KPNA7: variants seen among roughly 807,000 people sequenced by gnomAD.
KPNA7 encodes importin subunit alpha-8.
In KPNA7, 54 loss-of-function variants were observed where a neutral mutation model predicts 53.7. The ratio of observed to expected loss-of-function variants is 1.01; its 90% CI spans 0.81 to 1.26. The LOEUF (loss-of-function observed/expected upper bound fraction) is 1.26. KPNA7 is among the 50% of genes most tolerant of loss of function. KPNA7 has a pLI of 0.00. For synonymous variants in KPNA7, 276 were observed against 259.3 expected, an observed-to-expected ratio of 1.06 and a Z score of -0.62; for missense variants, 640 against 644.5, an observed-to-expected ratio of 0.99 and a Z score of 0.07.
At chr7:99,173,874 TAAC>T (rs1798817235) in intron 10 of KPNA7, 80 bp from the exon 11 acceptor site, 1 of 828,944 alleles carries the variant, frequency 1.2e-6, no homozygotes, top group Non-Finnish European at 2.0e-6. Context: ...ATGCACCTTG[TAAC>T]AAAATTGACC....
chr7:99,147,606 C>A, the KPNA7 span, among the ~76,000 whole-genome samples: 1 of 152,164 alleles, frequency 6.6e-6, no homozygotes, highest in Non-Finnish European at 1.5e-5. Flanking sequence ...TCCTGGCCAA[C>A]ATGGTGAAAC....
chr7:99,202,127 C>T (rs184458755), intron 3 of KPNA7, among the ~76,000 whole-genome samples: 442 of 152,230 alleles, frequency 2.9e-3, no homozygotes, highest in African/African-American at 9.1e-3. Flanking sequence ...TGACTGTACA[C>T]ATTTCATTGA....
At chr7:99,166,373 T>G in the KPNA7 span, among the ~76,000 whole-genome samples, 2 of 152,150 alleles carry the variant, frequency 1.3e-5, no homozygotes, top group Non-Finnish European at 2.9e-5. Context: ...TGCAGTGCAG[T>G]GACGTGATCC....
At chr7:99,160,576 C>G in the KPNA7 span, among the ~76,000 whole-genome samples, 2 of 152,212 alleles carry the variant, frequency 1.3e-5, no homozygotes, top group African/African-American at 4.8e-5. Context: ...AGGTTTGAGT[C>G]ACTGCACCCA....
At chr7:99,202,249 GGACA>G (rs1790574300) in intron 3 of KPNA7, among the ~76,000 whole-genome samples, 1 of 152,126 alleles carries the variant, frequency 6.6e-6, no homozygotes, top group Non-Finnish European at 1.5e-5. Context: ...AGTTAAGGTA[GGACA>G]GACAGTGGTG....
At chr7:99,155,390 G>A in the KPNA7 span, among the ~76,000 whole-genome samples, 1 of 152,182 alleles carries the variant, frequency 6.6e-6, no homozygotes, top group East Asian at 1.9e-4. Flanking sequence ...GTGCATTGCT[G>A]ACTTCCCTGT....
chr7:99,202,232 T>G (rs1347975352), intron 3 of KPNA7, among the ~76,000 whole-genome samples: 1 of 151,974 alleles, frequency 6.6e-6, no homozygotes, highest in African/African-American at 2.4e-5. Flanking sequence ...AAAGGGTGCA[T>G]GTGGGTAGTT....
In KPNA7 at chr7:99,184,911, GC is replaced by G. The variant is rs1416448605; in HGVS notation, c.1134+17del. 12 of 1,544,970 alleles carry G rather than the reference GC, an allele frequency of 7.8e-6. No individual in the cohort carries two copies. In the East Asian group the frequency reaches 2.9e-4, roughly 38 times the overall value. On this transcript the variant is annotated intron_variant, in intron 8 of 10. Coordinates refer to ENST00000327442, the MANE Select transcript of KPNA7 (RefSeq NM_001145715.3). ...TGGAAAGTAGTCCTTTGCCATGGTTGCTGTGTGCGCCACTTACGTTTTTTAG... is the reference window on the plus strand; with the variant it reads ...TGGAAAGTAGTCCTTTGCCATGGTTGTGTGTGCGCCACTTACGTTTTTTAG...
intron 1 of KPNA7, among the ~76,000 whole-genome samples, chr7:99,217,832 T>C (rs1248936644): frequency 6.6e-6 from 1 of 151,928 alleles, no homozygotes; most frequent in Non-Finnish European, 1.5e-5. Context: ...AGTTTCATCA[T>C]GTTGGCCAGA....
chr7:99,166,439 T>C, the KPNA7 span, among the ~76,000 whole-genome samples: 4,848 of 152,162 alleles, frequency 0.032, 261 homozygotes, highest in African/African-American at 0.11. Flanking sequence ...ATTAGCCTCC[T>C]GAGTAGCTGG....
chr7:99,213,283 C>T (rs566182841), intron 1 of KPNA7, among the ~76,000 whole-genome samples: 61 of 151,788 alleles, frequency 4.0e-4, no homozygotes, highest in Non-Finnish European at 8.1e-4. Context: ...CACACCACCA[C>T]ACCCCCCAGC....
At chr7:99,161,970 C>T in the KPNA7 span, among the ~76,000 whole-genome samples, 1 of 151,732 alleles carries the variant, frequency 6.6e-6, no homozygotes, top group African/African-American at 2.4e-5. Context: ...TTATCATTAA[C>T]ACAGTCCATG....
chr7:99,202,963 C>G (rs1322877852), intron 3 of KPNA7, 143 bp downstream of exon 3: 10 of 991,194 alleles, frequency 1.0e-5, no homozygotes, highest in Admixed American at 5.2e-5. Flanking sequence ...GGCAGTTTAG[C>G]TCAAACCATA....
intron 10 of KPNA7, 100 bp downstream of exon 10, chr7:99,177,820 A>G: frequency 8.0e-7 from 1 of 1,245,208 alleles, no homozygotes; most frequent in Non-Finnish European, 1.1e-6. Context: ...CTGCCCAGTC[A>G]CCTGCCACAC....
the KPNA7 span, among the ~76,000 whole-genome samples, chr7:99,147,274 A>C: frequency 6.6e-6 from 1 of 152,222 alleles, no homozygotes; most frequent in Admixed American, 6.5e-5. Flanking sequence ...ACAATTCTAC[A>C]TAAGAAGAGA....
chr7:99,167,197 CCACT>C, the KPNA7 span, among the ~76,000 whole-genome samples: 14 of 152,212 alleles, frequency 9.2e-5, no homozygotes, highest in African/African-American at 3.4e-4. Flanking sequence ...TGCCCTGGCC[CCACT>C]GTCTCCTCTG....
intron 8 of KPNA7, among the ~76,000 whole-genome samples, chr7:99,183,958 T>C (rs756906758): frequency 7.2e-5 from 11 of 152,052 alleles, no homozygotes; most frequent in Non-Finnish European, 1.5e-4. Flanking sequence ...GTGATTCTCC[T>C]GTCTTAGGCC....
the KPNA7 span, among the ~76,000 whole-genome samples, chr7:99,151,463 T>TTG: frequency 6.6e-6 from 1 of 151,642 alleles, no homozygotes; most frequent in Non-Finnish European, 1.5e-5. Context: ...TTTTGGTTTT[T>TTG]TTTTTGAGAC....
chr7:99,173,117 G>A (rs1036692113), downstream of KPNA7, among the ~76,000 whole-genome samples: 1 of 140,532 alleles, frequency 7.1e-6, no homozygotes, highest in East Asian at 2.1e-4. Context: ...ATAACTATAA[G>A]ACCATTCTAC....
Sources: gnomAD v4.1 joint callset for allele counts (sites outside exome capture counted in the v4.1 genomes callset) on GRCh38, gnomAD v4.1.1 for gene constraint, MANE v1.5 for transcripts, NCBI Gene and HGNC (gene_info 2026-07-23, HGNC 2026-07-21) for gene names.